Variants in RASAL2 observed in about 807,000 individuals in gnomAD.
RASAL2 encodes RAS protein activator like 2.
A neutral mutation model predicts 128.9 loss-of-function variants in RASAL2; 58 were observed. The ratio of observed to expected loss-of-function variants is 0.45; its 90% CI spans 0.36 to 0.56. RASAL2 has a LOEUF of 0.56. RASAL2 is among the 20% of genes least tolerant of loss of function. The pLI, the probability that RASAL2 is intolerant of heterozygous loss-of-function variation, is 0.00. For missense variants in RASAL2, 1,360 were observed against 1,601.6 expected (o/e 0.85, Z 2.57); for synonymous variants, 561 against 580.8 (o/e 0.97, Z 0.49).
chr1:178,475,979 TAAGAA>T lies in RASAL2; in HGVS notation c.*2741_*2745del, dbSNP rs1240317346. ...GTATAAGTTACTCTGAAGGATTTTTTAAGAAGAGAAGCCACCAACAGGTGATAATT... is the reference window on the plus strand; with the variant it reads ...GTATAAGTTACTCTGAAGGATTTTTTGAGAAGCCACCAACAGGTGATAATT... On this transcript the variant is annotated 3_prime_UTR_variant, in exon 18 of 18. Coordinates refer to ENST00000367649, the MANE Select transcript of RASAL2 (RefSeq NM_170692.4). 1 of 152,226 alleles carries T rather than the reference TAAGAA, an allele frequency of 6.6e-6. No homozygotes were observed. The highest frequency in any genetic ancestry group is 1.5e-5 in the Non-Finnish European group (1 of 68,038). The allele number at this position is 152,226 out of a possible 1,614,324, so 9.4% of individuals were successfully genotyped here. A position where few individuals can be genotyped will look rare whatever the true frequency, so the allele number is the denominator to read the frequency against.
chr1:178,320,083 G>A (rs1668683787), intron 3 of RASAL2, among the ~76,000 whole-genome samples: 1 of 151,862 alleles, frequency 6.6e-6, no homozygotes, highest in African/African-American at 2.4e-5. Flanking sequence ...CCTGCTGGGG[G>A]GTGCCTCCCA....
In RASAL2 at chr1:178,442,722, A is replaced by C. The variant is rs1252919016; in HGVS notation, c.975A>C (p.Glu325Asp). 5.0e-6 allele frequency: 8 copies of C among 1,613,190 alleles called. No individual in the cohort carries two copies. Among genetic ancestry groups the C allele is most frequent in the African/African-American group, 1.3e-5 (1 of 74,826 alleles). ...ATGTTCTTCGTTTATGGATCATTGA[A>C]GCCAAGGACCTTGCCCCTAAAAAGA... ...AENVLRLWII[E>D]AKDLAPKKKY... The change falls in exon 8 of 18, where the codon GAA becomes GAC. Residue 325 changes from glutamate to aspartate, a missense_variant. Glu to Asp is a conservative substitution (Grantham distance 45). Coordinates refer to ENST00000367649, the MANE Select transcript of RASAL2 (RefSeq NM_170692.4).
intron 3 of RASAL2, among the ~76,000 whole-genome samples, chr1:178,308,008 A>G (rs1668073878): frequency 6.6e-6 from 1 of 152,192 alleles, no homozygotes; most frequent in Non-Finnish European, 1.5e-5. Context: ...CCAAACATTT[A>G]CTAACTCAAG....
At chr1:178,200,981 AC>A (rs1290510965) in intron 1 of RASAL2, among the ~76,000 whole-genome samples, 1 of 152,114 alleles carries the variant, frequency 6.6e-6, no homozygotes, top group Non-Finnish European at 1.5e-5. Context: ...CACCTCCAAC[AC>A]CCTGTGAGCT....
intron 1 of RASAL2, among the ~76,000 whole-genome samples, chr1:178,277,126 C>T (rs1369957748): frequency 4.1e-5 from 5 of 120,554 alleles, no homozygotes; most frequent in African/African-American, 6.7e-5. Context: ...CCAGCCTGGG[C>T]GACAGAGTGA....
At chr1:178,252,873 A>G (rs773698741) in intron 1 of RASAL2, among the ~76,000 whole-genome samples, 1 of 152,012 alleles carries the variant, frequency 6.6e-6, no homozygotes, top group African/African-American at 2.4e-5. Flanking sequence ...CTCTATTACA[A>G]CCTTCGTTTA....
At chr1:178,346,878 A>T (rs547022490) in intron 3 of RASAL2, among the ~76,000 whole-genome samples, 2 of 152,354 alleles carry the variant, frequency 1.3e-5, no homozygotes, top group African/African-American at 4.8e-5. Context: ...ATCAAAATGT[A>T]CTAGGCAGAG....
intron 1 of RASAL2, among the ~76,000 whole-genome samples, chr1:178,144,208 C>A (rs370024492): frequency 1.3e-5 from 2 of 152,122 alleles, no homozygotes; most frequent in Non-Finnish European, 2.9e-5. Flanking sequence ...AGATAGATTC[C>A]GTACAGAGAG....
At chr1:178,452,701 T>A in intron 11 of RASAL2, 49 bp downstream of exon 11, 1 of 1,486,828 alleles carries the variant, frequency 6.7e-7, no homozygotes, top group Non-Finnish European at 9.3e-7. Context: ...TAAAAAATAC[T>A]TGAGGCCTAA....
intron 10 of RASAL2, 53 bp from the exon 11 acceptor site, chr1:178,452,363 C>T: frequency 6.8e-7 from 1 of 1,472,486 alleles, no homozygotes; most frequent in Non-Finnish European, 9.5e-7. Context: ...ATCACTTGTG[C>T]TTGTACTGGT....
intron 1 of RASAL2, among the ~76,000 whole-genome samples, chr1:178,254,080 C>T (rs552532089): frequency 6.6e-6 from 1 of 152,340 alleles, no homozygotes; most frequent in South Asian, 2.1e-4. Flanking sequence ...TCGTCTCCAT[C>T]ATATTTCTGC....
intron 1 of RASAL2, among the ~76,000 whole-genome samples, chr1:178,257,422 TATG>T (rs1258586902): frequency 1.4e-5 from 2 of 142,562 alleles, no homozygotes; most frequent in African/African-American, 5.8e-5. Context: ...GGCTCAGGGA[TATG>T]TGTGTGTGTG....
intron 3 of RASAL2, among the ~76,000 whole-genome samples, chr1:178,348,805 G>T (rs1454852076): frequency 5.7e-5 from 8 of 140,694 alleles, no homozygotes; most frequent in Non-Finnish European, 7.8e-5. Context: ...TTTCTTTTTG[G>T]TTTTTTTTTT....
At chr1:178,426,348 G>A (rs535740580) in intron 5 of RASAL2, among the ~76,000 whole-genome samples, 2 of 152,230 alleles carry the variant, frequency 1.3e-5, no homozygotes, top group Admixed American at 1.3e-4. Context: ...GTTGCAATGT[G>A]TATGCATGTT....
chr1:178,400,417 C>T (rs147064115), intron 4 of RASAL2, among the ~76,000 whole-genome samples: 1 of 152,262 alleles, frequency 6.6e-6, no homozygotes, highest in African/African-American at 2.4e-5. Flanking sequence ...TTCTAGGCAG[C>T]ATTAACCTTG....
intron 4 of RASAL2, among the ~76,000 whole-genome samples, chr1:178,409,810 T>C (rs1383037977): frequency 2.0e-5 from 3 of 152,322 alleles, no homozygotes; most frequent in East Asian, 3.9e-4. Context: ...GCATGACATG[T>C]ACTTTGTTGT....
intron 1 of RASAL2, among the ~76,000 whole-genome samples, chr1:178,156,611 A>G (rs575571594): frequency 1.3e-5 from 2 of 152,184 alleles, no homozygotes; most frequent in South Asian, 2.1e-4. Context: ...ACAAACTTCA[A>G]CTAAAGTGTA....
At chr1:178,380,548 T>TC (rs1243121226) in intron 3 of RASAL2, among the ~76,000 whole-genome samples, 1 of 152,030 alleles carries the variant, frequency 6.6e-6, no homozygotes, top group Non-Finnish European at 1.5e-5. Context: ...CCTAATAGAG[T>TC]CATGATTATA....
chr1:178,286,704 G>C (rs1667046594), intron 2 of RASAL2, among the ~76,000 whole-genome samples: 1 of 152,190 alleles, frequency 6.6e-6, no homozygotes, highest in Non-Finnish European at 1.5e-5. Context: ...GGGCCACCGT[G>C]CCCGGCCTGT....
Sources: gnomAD v4.1 joint callset for allele counts (sites outside exome capture counted in the v4.1 genomes callset) on GRCh38, gnomAD v4.1.1 for gene constraint, MANE v1.5 for transcripts, NCBI Gene and HGNC (gene_info 2026-07-23, HGNC 2026-07-21) for gene names.